Variants in MAP7D2 observed in about 807,000 individuals in gnomAD.
MAP7D2 encodes MAP7 domain containing 2.
A neutral mutation model predicts 63.5 loss-of-function variants in MAP7D2; 33 were observed. That is an observed-to-expected ratio of 0.52 (90% CI 0.39 to 0.70). The LOEUF is 0.70. Ranked by LOEUF, MAP7D2 falls within the 30% of genes least tolerant of loss-of-function variation. The pLI is 0.00. For missense variants in MAP7D2, 626 were observed against 604.0 expected (o/e 1.04, Z -0.38); for synonymous variants, 224 against 223.7 (o/e 1.00, Z -0.01).
intron 1 of MAP7D2, among the ~76,000 whole-genome samples, chrX:20,091,140 C>T (rs2066059624): frequency 9.5e-6 from 1 of 105,652 alleles, no homozygotes; most frequent in Admixed American, 1.0e-4. Flanking sequence ...ACAACCTCCA[C>T]CTCCCAGGTT....
intron 1 of MAP7D2, among the ~76,000 whole-genome samples, chrX:20,098,108 A>G (rs2066321271): frequency 8.9e-6 from 1 of 111,763 alleles, no homozygotes; most frequent in Admixed American, 9.5e-5. Context: ...TACTGGCTAC[A>G]CGGATGATAA....
At chrX:20,109,790 A>T in intron 1 of MAP7D2, among the ~76,000 whole-genome samples, 1 of 111,826 alleles carries the variant, frequency 8.9e-6, no homozygotes, top group Non-Finnish European at 1.9e-5. Flanking sequence ...TCATGCCTGT[A>T]ATCCCAGCAC....
At chrX:20,102,800 T>C (rs1428499545) in intron 1 of MAP7D2, among the ~76,000 whole-genome samples, 1 of 109,249 alleles carries the variant, frequency 9.2e-6, no homozygotes, top group African/African-American at 3.3e-5. Context: ...TTCTAAGCTA[T>C]GTGGCTGGTG....
chrX:20,035,051 A>AT (rs1397146152), intron 8 of MAP7D2, among the ~76,000 whole-genome samples: 1 of 110,424 alleles, frequency 9.1e-6, no homozygotes, highest in Non-Finnish European at 1.9e-5. Flanking sequence ...AACCGGTTTA[A>AT]TTTTTTTTCC....
chrX:20,043,789 T>A (rs1041783399), intron 7 of MAP7D2, among the ~76,000 whole-genome samples: 1 of 111,907 alleles, frequency 8.9e-6, no homozygotes, highest in Admixed American at 9.5e-5. Flanking sequence ...ATAGACACAA[T>A]TGGGGGTGCC....
rs766673378 is a variant in MAP7D2 at position 20,069,888 on chromosome X, C to A, written c.131-5083G>T. 5.5e-5 allele frequency among the ~76,000 whole-genome samples: 6 copies of A among 109,850 alleles called. No individual in the cohort carries two copies. In the South Asian group the frequency reaches 2.4e-3, roughly 44 times the overall value. ...TCCTGGGCCCAAGCAATCCTCTCAC[C>A]TCAGCCTCCCATGTAGCTGGGACTA... is the stretch of plus-strand genomic sequence containing the variant. On this transcript the variant is annotated intron_variant, in intron 1 of 16. Transcript: ENST00000379643.
intron 1 of MAP7D2, among the ~76,000 whole-genome samples, chrX:20,112,950 T>C (rs1181008395): frequency 8.9e-6 from 1 of 112,209 alleles, no homozygotes; most frequent in Non-Finnish European, 1.9e-5. Flanking sequence ...CACTAGCCAC[T>C]GCAGAAGATG....
intron 1 of MAP7D2, among the ~76,000 whole-genome samples, chrX:20,083,517 T>TGA (rs2065830078): frequency 2.7e-5 from 3 of 112,475 alleles, no homozygotes; most frequent in Non-Finnish European, 5.6e-5. Context: ...TGTGTTGCCA[T>TGA]TCATCTGTAA....
intron 3 of MAP7D2, among the ~76,000 whole-genome samples, chrX:20,058,714 C>G (rs944853511): frequency 8.9e-6 from 1 of 112,240 alleles, no homozygotes; most frequent in African/African-American, 3.2e-5. Flanking sequence ...GAGAAAGACA[C>G]ACTCACTTTG....
At chrX:20,035,926 A>ATG (rs59706024) in intron 8 of MAP7D2, among the ~76,000 whole-genome samples, 1,746 of 98,404 alleles carry the variant, frequency 0.018, 18 homozygotes, top group African/African-American at 0.037. Flanking sequence ...AAAAATATAT[A>ATG]TGTGTGTGTG....
intron 8 of MAP7D2, among the ~76,000 whole-genome samples, chrX:20,034,923 T>C (rs1180114411): frequency 4.5e-5 from 5 of 111,636 alleles, no homozygotes; most frequent in Non-Finnish European, 9.4e-5. Flanking sequence ...CAATGAGGCA[T>C]AGACCAACCC....
At chrX:20,098,379 C>G (rs754242396) in intron 1 of MAP7D2, among the ~76,000 whole-genome samples, 1 of 112,366 alleles carries the variant, frequency 8.9e-6, no homozygotes, top group Admixed American at 9.4e-5. Context: ...TTTGTGCAAA[C>G]AGTTAGAGAA....
At chrX:20,094,673 T>C (rs1386095555) in intron 1 of MAP7D2, among the ~76,000 whole-genome samples, 1 of 92,688 alleles carries the variant, frequency 1.1e-5, no homozygotes, top group African/African-American at 3.7e-5. Context: ...GCCTCCTGGG[T>C]TCAAGCAATT....
At chrX:20,052,128 A>G (rs1349358282) in intron 5 of MAP7D2, among the ~76,000 whole-genome samples, 1 of 112,587 alleles carries the variant, frequency 8.9e-6, no homozygotes, top group Non-Finnish European at 1.9e-5. Flanking sequence ...AACTTGTGCT[A>G]AACACTCCAC....
chrX:20,084,592 A>G (rs1366055403), intron 1 of MAP7D2, among the ~76,000 whole-genome samples: 1 of 64,704 alleles, frequency 1.5e-5, no homozygotes, highest in African/African-American at 6.5e-5. Flanking sequence ...TTTTTGAGAC[A>G]GAGTCTCACT....
intron 1 of MAP7D2, among the ~76,000 whole-genome samples, chrX:20,073,864 C>T (rs1277514147): frequency 3.0e-5 from 3 of 99,155 alleles, no homozygotes; most frequent in Admixed American, 1.0e-4. Context: ...CGGCCGGGCG[C>T]GGTGGCTCAC....
chrX:20,109,234 G>C (rs2066660054), intron 1 of MAP7D2, among the ~76,000 whole-genome samples: 1 of 109,855 alleles, frequency 9.1e-6, no homozygotes, highest in South Asian at 3.9e-4. Context: ...AAAATTCTCA[G>C]CTCTGGGTCA....
intron 3 of MAP7D2, 82 bp from the exon 4 acceptor site, chrX:20,056,873 T>G: frequency 1.1e-6 from 1 of 884,670 alleles, no homozygotes; most frequent in Non-Finnish European, 1.6e-6. Flanking sequence ...GTGCACAGTG[T>G]GAGTCACCAA....
chrX:20,071,738 A>AC (rs2065507046), intron 1 of MAP7D2, among the ~76,000 whole-genome samples: 1 of 112,473 alleles, frequency 8.9e-6, no homozygotes, highest in African/African-American at 3.2e-5. Context: ...CACAGTGTTT[A>AC]CCTTTGCCAA....
Sources: allele counts gnomAD v4.1 joint callset (sites outside exome capture counted in the v4.1 genomes callset), GRCh38; gene constraint gnomAD v4.1.1; transcripts MANE v1.5; gene names NCBI Gene and HGNC (gene_info 2026-07-23, HGNC 2026-07-21).